SRP19: variants seen among roughly 807,000 people sequenced by gnomAD.
The protein encoded by SRP19 is signal recognition particle 19, also known as signal recognition particle 19 kDa protein.
In SRP19, 11 loss-of-function variants were observed where a neutral mutation model predicts 22.4. The observed-to-expected ratio is 0.49, with a 90% CI of 0.31 to 0.81. The LOEUF is 0.81. SRP19 is among the 40% of genes least tolerant of loss of function. The probability of loss-of-function intolerance (pLI) is 0.05; values close to 1 mark genes in which losing one functional copy is unlikely to be tolerated. For missense variants in SRP19, 168 were observed against 175.9 expected (o/e 0.96, Z 0.25); for synonymous variants, 61 against 57.6 (o/e 1.06, Z -0.27).
At chr5:112,879,766 A>G (rs1265831127) in intron 4 of SRP19, among the ~76,000 whole-genome samples, 1 of 151,986 alleles carries the variant, frequency 6.6e-6, no homozygotes, top group African/African-American at 2.4e-5. Context: ...GTAAGCCACC[A>G]TGCCCGGCCT....
chr5:112,892,749 G>T, exon 5 of SRP19: 1 of 1,614,092 alleles, frequency 6.2e-7, no homozygotes, highest in South Asian at 1.1e-5. Flanking sequence ...AGAGGAGGGA[G>T]AAGATGGGCC....
chr5:112,861,352 C>T lies in SRP19; in HGVS notation c.-25C>T, dbSNP rs1767387490. On this transcript the variant is annotated 5_prime_UTR_variant, in exon 1 of 5. Coordinates refer to ENST00000505459, the MANE Select transcript of SRP19 (RefSeq NM_003135.3). ...TCTGCCGGGTTTCTCCCTGCGGCTCCTGGGTTGTTGAGACTCTTGTGAAGA... is the reference window on the plus strand; with the variant it reads ...TCTGCCGGGTTTCTCCCTGCGGCTCTTGGGTTGTTGAGACTCTTGTGAAGA... The T allele has an allele frequency of 3.1e-6, 5 of 1,614,062 alleles. No individual in the cohort carries two copies. Among genetic ancestry groups the T allele is most frequent in the South Asian group, 2.2e-5 (2 of 91,086 alleles).
chr5:112,871,618 C>T (rs1296124216), downstream of SRP19, among the ~76,000 whole-genome samples: 4 of 151,376 alleles, frequency 2.6e-5, 1 homozygote, highest in East Asian at 7.9e-4. Context: ...ACTAGCCAGG[C>T]GTGGTGGTGG....
At chr5:112,886,931 C>CT in intron 4 of SRP19, 1 of 1,044,760 alleles carries the variant, frequency 9.6e-7, no homozygotes, top group Non-Finnish European at 1.4e-6. Flanking sequence ...GGTGATAAGA[C>CT]AAGAAGGCCA....
exon 5 of SRP19, chr5:112,892,971 C>T (rs767515839): frequency 1.3e-6 from 2 of 1,589,452 alleles, no homozygotes; most frequent in East Asian, 4.5e-5. Flanking sequence ...GGAGCCAGAG[C>T]CGCAGGAGCC....
intron 2 of SRP19, among the ~76,000 whole-genome samples, chr5:112,864,120 T>A (rs1412886307): frequency 6.6e-6 from 1 of 152,206 alleles, no homozygotes; most frequent in Non-Finnish European, 1.5e-5. Context: ...TTTTCTAAAG[T>A]GTTTGTATGT....
chr5:112,865,636 C>G (rs1767575998), intron 4 of SRP19, among the ~76,000 whole-genome samples: 1 of 150,686 alleles, frequency 6.6e-6, no homozygotes, highest in Admixed American at 6.6e-5. Context: ...GAGTCTCGCT[C>G]TGGCTGGAGT....
At chr5:112,874,124 C>G (rs1304797247), downstream of SRP19, among the ~76,000 whole-genome samples, 1 of 152,138 alleles carries the variant, frequency 6.6e-6, no homozygotes, top group Non-Finnish European at 1.5e-5. Flanking sequence ...TGTGATCATG[C>G]CACTGCACTC....
intron 1 of SRP19, chr5:112,862,301 C>G (rs576291187): frequency 1.2e-5 from 7 of 606,994 alleles, no homozygotes; most frequent in African/African-American, 9.3e-5. Context: ...AGGAGTAGGC[C>G]CGCGGCCAGT....
intron 4 of SRP19, among the ~76,000 whole-genome samples, chr5:112,890,128 C>CA (rs1768389923): frequency 6.7e-6 from 1 of 149,790 alleles, no homozygotes; most frequent in East Asian, 2.1e-4. Context: ...CACCCGGCCA[C>CA]AAAAAATAAA....
intron 4 of SRP19, chr5:112,876,649 A>G (rs894681973): frequency 6.6e-6 from 1 of 152,208 alleles, no homozygotes; most frequent in Non-Finnish European, 1.5e-5. Flanking sequence ...TTCACATTCA[A>G]ATAAACGCTT....
rs1381813221 is a variant in SRP19, at chr5:112,868,835, C to G, written c.*1298C>G. ...CTTAAACTCCCAGGCTCAAGTGATCCTCCTGCCTCAACCTCCCAAAGTGCT... is the reference window on the plus strand; with the variant it reads ...CTTAAACTCCCAGGCTCAAGTGATCGTCCTGCCTCAACCTCCCAAAGTGCT... On this transcript the variant is annotated 3_prime_UTR_variant, in exon 5 of 5. Coordinates refer to ENST00000505459, the MANE Select transcript of SRP19 (RefSeq NM_003135.3). 1 of 150,030 alleles carries G rather than the reference C, an allele frequency of 6.7e-6. No individual in the cohort carries two copies. The highest frequency in any genetic ancestry group is 1.5e-5 in the Non-Finnish European group (1 of 67,704). 9.3% of individuals were successfully genotyped at this position (150,030 alleles called of 1,614,324 possible). A position where few individuals can be genotyped will look rare whatever the true frequency, so the allele number is the denominator to read the frequency against.
At chr5:112,891,555 T>G in intron 4 of SRP19, 1 of 1,530,444 alleles carries the variant, frequency 6.5e-7, no homozygotes, top group Non-Finnish European at 8.9e-7. Flanking sequence ...ATAAGTAGAA[T>G]CACTGACAGT....
At position 112,893,072 on chromosome 5, in the gene SRP19, C is replaced by G. The variant is rs747590336; in HGVS notation, c.*1465C>G. ...GACAGAACTGTTCAGAGTCCCCAAT[C>G]CAAATAAACTAGTTTTGTTCTTAAA... On this transcript the variant is annotated 3_prime_UTR_variant, in exon 5 of 5. Transcript: ENST00000391338. 12 of 1,035,728 alleles carry G rather than the reference C, an allele frequency of 1.2e-5. No homozygotes were observed. In the East Asian group the frequency reaches 2.4e-4, roughly 21 times the overall value. 64.2% of individuals were successfully genotyped at this position (1,035,728 alleles called of 1,614,324 possible).
chr5:112,896,934 A>C (rs555527378), downstream of SRP19: 2 of 152,344 alleles, frequency 1.3e-5, no homozygotes, highest in Admixed American at 1.3e-4. Flanking sequence ...GTCTCAAAAA[A>C]AGTAAAGTAA....
intron 2 of SRP19, among the ~76,000 whole-genome samples, chr5:112,863,504 A>G (rs538988178): frequency 2.0e-5 from 3 of 152,038 alleles, no homozygotes; most frequent in East Asian, 3.9e-4. Context: ...CCCATCCCCT[A>G]GTTGTGACAA....
chr5:112,892,128 A>G, exon 5 of SRP19: 1 of 1,614,124 alleles, frequency 6.2e-7, no homozygotes, highest in South Asian at 1.1e-5. Context: ...ACCCAGAACC[A>G]CCCGTGGATT....
At position 112,864,511 on chromosome 5, in the gene SRP19, CTT is replaced by C. The variant is rs1189678465; in HGVS notation, c.173_174del (p.Leu58GlnfsTer5). On this transcript the variant is annotated frameshift_variant, in exon 3 of 5. Coordinates refer to ENST00000505459, the MANE Select transcript of SRP19 (RefSeq NM_003135.3). LOFTEE classifies it high-confidence loss of function. ...TCAAGATGTATGTTCAGCAGTTGGA[CTT>C]AACGTATTTCTTGAGGTATGACGTG... Reference protein sequence around the residue: ...EIQDVCSAVGLNVFLEKNKMY... With the variant: ...EIQDVCSAVGXNVFLEKNKMY... 6.2e-7 allele frequency: 1 copy of C among 1,613,898 alleles called. No individual in the cohort carries two copies. Among genetic ancestry groups the C allele is most frequent in the Non-Finnish European group, 8.5e-7 (1 of 1,179,982 alleles).
At position 112,892,251 on chromosome 5, in the gene SRP19, C is replaced by G. The variant is rs1561650945; in HGVS notation, c.*644C>G. On this transcript the variant is annotated 3_prime_UTR_variant, in exon 5 of 5. Transcript: ENST00000391338. ...ATAATTTCCCAACATCTAGTCCTAC[C>G]CTTCTTATTAAGAGCATGTTTACAA... 6 of 1,614,060 alleles carry G rather than the reference C, an allele frequency of 3.7e-6. No individual in the cohort carries two copies. In the East Asian group the frequency reaches 8.9e-5, roughly 24 times the overall value.
Sources: allele counts gnomAD v4.1 joint callset (sites outside exome capture counted in the v4.1 genomes callset), GRCh38; gene constraint gnomAD v4.1.1; transcripts MANE v1.5; gene names NCBI Gene and HGNC (gene_info 2026-07-23, HGNC 2026-07-21).